ROR1: variants seen among roughly 807,000 people sequenced by gnomAD.
ROR1 encodes the protein inactive tyrosine-protein kinase transmembrane receptor ROR1.
ROR1 carries 19 observed loss-of-function variants against 78.8 expected under a neutral mutation model. That is an observed-to-expected ratio of 0.24 (90% confidence interval 0.17 to 0.35). ROR1 has a LOEUF of 0.35. Among genes scored for constraint, ROR1 ranks in the 10% least tolerant of loss-of-function variants. ROR1 has a pLI of 1.00. For missense variants in ROR1, 917 were observed against 1,177.8 expected, an observed-to-expected ratio of 0.78 and a Z score of 3.24; for synonymous variants, 386 against 433.6, an observed-to-expected ratio of 0.89 and a Z score of 1.36.
intron 1 of ROR1, among the ~76,000 whole-genome samples, chr1:63,806,592 C>T (rs1644831303): frequency 6.6e-6 from 1 of 152,216 alleles, no homozygotes; most frequent in Admixed American, 6.5e-5. Context: ...GCTGGGATTA[C>T]AGGCGTGAGC....
intron 1 of ROR1, among the ~76,000 whole-genome samples, chr1:63,973,389 G>C (rs1019425000): frequency 3.3e-5 from 5 of 152,222 alleles, no homozygotes; most frequent in African/African-American, 1.2e-4. Flanking sequence ...GATGCCTGCA[G>C]AGAGTGAACT....
chr1:63,897,344 C>G (rs910076231), intron 1 of ROR1, among the ~76,000 whole-genome samples: 13 of 152,300 alleles, frequency 8.5e-5, no homozygotes, highest in African/African-American at 2.9e-4. Flanking sequence ...GACATTGTAC[C>G]AGGTCCTGGG....
At chr1:63,815,051 A>T (rs1170611399) in intron 1 of ROR1, among the ~76,000 whole-genome samples, 1 of 151,826 alleles carries the variant, frequency 6.6e-6, no homozygotes, top group Non-Finnish European at 1.5e-5. Context: ...ATTAGCTTTG[A>T]TCTCTTTGGA....
intron 1 of ROR1, among the ~76,000 whole-genome samples, chr1:63,906,219 A>G (rs554044179): frequency 6.6e-6 from 1 of 152,082 alleles, no homozygotes; most frequent in Non-Finnish European, 1.5e-5. Flanking sequence ...TGTTCTACAC[A>G]CCCTCAGCCT....
chr1:64,167,249 A>G (rs1190880321), intron 8 of ROR1, among the ~76,000 whole-genome samples: 1 of 152,180 alleles, frequency 6.6e-6, no homozygotes, highest in Non-Finnish European at 1.5e-5. Flanking sequence ...TGTTCTGTCT[A>G]TTTCCAGGCA....
intron 1 of ROR1, chr1:63,843,192 C>A: frequency 2.9e-6 from 4 of 1,396,628 alleles, no homozygotes; most frequent in Non-Finnish European, 4.0e-6. Context: ...AGAACCGGCT[C>A]ACAAAGGCTT....
At chr1:63,778,412 C>T (rs1473845412) in intron 1 of ROR1, among the ~76,000 whole-genome samples, 1 of 152,120 alleles carries the variant, frequency 6.6e-6, no homozygotes, top group Non-Finnish European at 1.5e-5. Context: ...GGGTTGTCTT[C>T]CTGGGGAGGC....
intron 1 of ROR1, among the ~76,000 whole-genome samples, chr1:63,847,737 C>T (rs1198332155): frequency 1.3e-5 from 2 of 152,334 alleles, no homozygotes; most frequent in South Asian, 2.1e-4. Context: ...TAAAATACAG[C>T]TGCAGTGATT....
At chr1:63,814,280 C>T (rs919700138) in intron 1 of ROR1, among the ~76,000 whole-genome samples, 2 of 152,174 alleles carry the variant, frequency 1.3e-5, no homozygotes, top group African/African-American at 2.4e-5. Context: ...AAACAGCTTC[C>T]ACAGTTCTTG....
intron 4 of ROR1, among the ~76,000 whole-genome samples, chr1:64,067,254 G>A (rs549495566): frequency 6.6e-6 from 1 of 152,032 alleles, no homozygotes; most frequent in Non-Finnish European, 1.5e-5. Context: ...GGAGGCTGAT[G>A]TGGGAGGATC....
chr1:64,177,296 A>G (rs1030707863), intron 8 of ROR1, 132 bp from the exon 9 acceptor site: 11 of 700,810 alleles, frequency 1.6e-5, no homozygotes, highest in Non-Finnish European at 9.7e-6. Context: ...TTTGAAAGAT[A>G]TATAGACCTA....
chr1:64,031,290 G>T (rs948013093), intron 2 of ROR1, among the ~76,000 whole-genome samples: 1 of 152,176 alleles, frequency 6.6e-6, no homozygotes, highest in Non-Finnish European at 1.5e-5. Flanking sequence ...ACACTGTCTG[G>T]GGAAGAAAAT....
At chr1:64,039,632 A>T (rs1646730703) in intron 2 of ROR1, among the ~76,000 whole-genome samples, 1 of 152,228 alleles carries the variant, frequency 6.6e-6, no homozygotes, top group South Asian at 2.1e-4. Flanking sequence ...ACATAGAAGC[A>T]GCCAAAAGCT....
intron 1 of ROR1, among the ~76,000 whole-genome samples, chr1:63,835,365 G>A (rs552334737): frequency 6.6e-6 from 1 of 152,220 alleles, no homozygotes; most frequent in East Asian, 1.9e-4. Context: ...TTTTTGAGTA[G>A]GTCAATTGCC....
At position 64,009,286 on chromosome 1, in the gene ROR1, C is replaced by T. The variant is rs201493203; in HGVS notation, c.92-19C>T. On this transcript the variant is annotated intron_variant, in intron 1 of 8. Coordinates refer to ENST00000371079, the MANE Select transcript of ROR1 (RefSeq NM_005012.4). The stretch of plus-strand genomic sequence containing the variant: ...AATATTGCCCTTGTCTTTCTCCCTT[C>T]CCTTCTTTTTCTTTTCAGAAACAGA... 24 of 1,583,192 alleles carry T rather than the reference C, an allele frequency of 1.5e-5. No homozygotes were observed. The East Asian group carries it at 4.9e-4, about 32-fold the overall frequency.
chr1:63,832,630 G>A (rs1236200247), intron 1 of ROR1, among the ~76,000 whole-genome samples: 1 of 152,168 alleles, frequency 6.6e-6, no homozygotes, highest in Non-Finnish European at 1.5e-5. Context: ...TTTCAGTGTT[G>A]CTAGGATTCA....
At chr1:63,793,025 T>C (rs1644736526) in intron 1 of ROR1, among the ~76,000 whole-genome samples, 1 of 152,256 alleles carries the variant, frequency 6.6e-6, no homozygotes, top group African/African-American at 2.4e-5. Context: ...GACAGCTTTC[T>C]CTGATTTCAC....
At position 64,004,401 on chromosome 1, in the gene ROR1, C is replaced by CA. The variant is rs539545119; in HGVS notation, c.92-4898dup. On this transcript the variant is annotated intron_variant, in intron 1 of 8. Transcript: ENST00000371079. ...TCTTATGTTCCTCTATAAATAGCTC[C>CA]AAAAAATCCCATGGATCCAAAGAAT... 2.4e-4 allele frequency among the ~76,000 whole-genome samples: 37 copies of CA among 152,292 alleles called. 1 individual carries two copies. In the South Asian group the frequency reaches 7.5e-3, roughly 31 times the overall value.
chr1:64,136,784 T>C (rs1470543160), intron 4 of ROR1, among the ~76,000 whole-genome samples: 1 of 152,164 alleles, frequency 6.6e-6, no homozygotes, highest in Non-Finnish European at 1.5e-5. Flanking sequence ...TTCCTTGGAT[T>C]TAGTGACTCA....
Sources: gnomAD v4.1 joint callset for allele counts (sites outside exome capture counted in the v4.1 genomes callset) on GRCh38, gnomAD v4.1.1 for gene constraint, MANE v1.5 for transcripts, NCBI Gene and HGNC (gene_info 2026-07-23, HGNC 2026-07-21) for gene names.